BNC2: variants seen among roughly 807,000 people sequenced by gnomAD.
The protein encoded by BNC2 is basonuclin zinc finger protein 2.
In BNC2, 20 loss-of-function variants were observed where a neutral mutation model predicts 76.3. The observed-to-expected ratio is 0.26, with a 90% CI of 0.18 to 0.38. BNC2 has a LOEUF of 0.38. BNC2 is among the 10% of genes least tolerant of loss of function. BNC2 has a pLI of 1.00. For synonymous variants in BNC2, 582 were observed against 514.8 expected, an observed-to-expected ratio of 1.13 and a Z score of -1.77; for missense variants, 1,382 against 1,399.8, an observed-to-expected ratio of 0.99 and a Z score of 0.20.
At chr9:16,579,541 G>A (rs542714596) in intron 4 of BNC2, among the ~76,000 whole-genome samples, 3 of 152,200 alleles carry the variant, frequency 2.0e-5, no homozygotes, top group East Asian at 1.9e-4. Context: ...TCTCAACCTC[G>A]CAAAGTGCTG....
At chr9:16,665,116 C>CCCAG in intron 3 of BNC2, 1 of 454,906 alleles carries the variant, frequency 2.2e-6, no homozygotes, top group South Asian at 1.6e-5. Flanking sequence ...CGCCTGTAAT[C>CCCAG]CCAGCACTTT....
chr9:16,851,505 C>CA (rs1819126709), intron 1 of BNC2, among the ~76,000 whole-genome samples: 2 of 151,770 alleles, frequency 1.3e-5, no homozygotes, highest in African/African-American at 2.4e-5. Flanking sequence ...GACCCTGTCT[C>CA]AAAAAAATAA....
intron 3 of BNC2, among the ~76,000 whole-genome samples, chr9:16,628,151 G>A (rs141122656): frequency 0.012 from 1,771 of 152,248 alleles, 16 homozygotes; most frequent in Middle Eastern, 0.034. Context: ...AGTACAGTAA[G>A]TACTACCAGC....
chr9:16,683,713 G>C (rs1175255806), intron 3 of BNC2, among the ~76,000 whole-genome samples: 2 of 152,304 alleles, frequency 1.3e-5, no homozygotes, highest in East Asian at 3.9e-4. Flanking sequence ...CTTTATTATG[G>C]TGGACATAAT....
intron 3 of BNC2, among the ~76,000 whole-genome samples, chr9:16,714,740 G>A (rs768211319): frequency 6.6e-6 from 1 of 152,172 alleles, no homozygotes; most frequent in Non-Finnish European, 1.5e-5. Flanking sequence ...CATTTTAACA[G>A]GATGTTCTTG....
At chr9:16,419,672 GGGGTACGTGGATGGGGGGT>G in intron 6 of BNC2, 23 bp from the exon 7 acceptor site, 1 of 604,210 alleles carries the variant, frequency 1.7e-6, no homozygotes, top group African/African-American at 2.1e-5. Context: ...GAGGGAAGGG[GGGGTACGTGGATGGGGGGT>G]GGGGAAAGGT....
chr9:16,662,114 A>C (rs752121825), intron 3 of BNC2, among the ~76,000 whole-genome samples: 2 of 152,248 alleles, frequency 1.3e-5, no homozygotes, highest in Non-Finnish European at 2.9e-5. Context: ...TCAAGCTGTT[A>C]AACTCCCAAT....
At chr9:16,579,950 A>C in intron 4 of BNC2, 1 of 396,640 alleles carries the variant, frequency 2.5e-6, no homozygotes, top group Non-Finnish European at 4.4e-6. Flanking sequence ...ATTCAGTGCT[A>C]CCATGAAACC....
chr9:16,412,511 T>A lies in BNC2; in HGVS notation c.*6478A>T, dbSNP rs1267883056. The stretch of plus-strand genomic sequence containing the variant: ...ACCCATTACTCTCAAGATGGAATTG[T>A]TAACACTTAAGTTTTCAAAGAAGCA... On this transcript the variant is annotated 3_prime_UTR_variant, in exon 7 of 7. Transcript: ENST00000380672. 1 of 152,590 alleles carries A rather than the reference T, an allele frequency of 6.6e-6. No homozygotes were observed. The highest frequency in any genetic ancestry group is 1.5e-5 in the Non-Finnish European group (1 of 68,028). The allele number at this position is 152,590 out of a possible 1,614,324, so 9.5% of individuals were successfully genotyped here.
chr9:16,777,303 G>T (rs1184431087), intron 1 of BNC2, among the ~76,000 whole-genome samples: 1 of 151,908 alleles, frequency 6.6e-6, no homozygotes, highest in East Asian at 1.9e-4. Flanking sequence ...AGGAGAACAG[G>T]GACATTCTGC....
At chr9:16,701,522 T>TA (rs1300240758) in intron 3 of BNC2, among the ~76,000 whole-genome samples, 1 of 152,250 alleles carries the variant, frequency 6.6e-6, no homozygotes, top group East Asian at 1.9e-4. Context: ...TTCATTTTTT[T>TA]ATGCTTACTA....
intron 1 of BNC2, among the ~76,000 whole-genome samples, chr9:16,860,570 G>A (rs1387650856): frequency 1.3e-5 from 2 of 152,046 alleles, no homozygotes; most frequent in South Asian, 4.2e-4. Flanking sequence ...CCACCCTGTG[G>A]GAGCTCAAAC....
chr9:16,717,104 A>G (rs1045116814), intron 3 of BNC2, among the ~76,000 whole-genome samples: 34 of 152,202 alleles, frequency 2.2e-4, no homozygotes, highest in Admixed American at 1.9e-3. Context: ...AATTTCCATT[A>G]TGATTGAAAT....
chr9:16,622,372 G>C (rs1820888353), intron 3 of BNC2, among the ~76,000 whole-genome samples: 1 of 152,016 alleles, frequency 6.6e-6, no homozygotes, highest in Non-Finnish European at 1.5e-5. Context: ...TTTTAATGTA[G>C]ACAAACTTAC....
intron 3 of BNC2, chr9:16,726,855 T>TC (rs935314993): frequency 6.6e-6 from 1 of 152,224 alleles, no homozygotes; most frequent in Non-Finnish European, 1.5e-5. Flanking sequence ...CTGGGTTGTG[T>TC]CCCCTTCGCT....
intron 4 of BNC2, among the ~76,000 whole-genome samples, chr9:16,554,555 C>T (rs932518075): frequency 3.9e-5 from 6 of 152,252 alleles, no homozygotes; most frequent in Admixed American, 1.3e-4. Context: ...ATTAATTTAA[C>T]GTTTGGGAAA....
chr9:16,425,631 A>C (rs2119217325), intron 6 of BNC2, among the ~76,000 whole-genome samples: 1 of 152,368 alleles, frequency 6.6e-6, no homozygotes, highest in South Asian at 2.1e-4. Context: ...TGCTAATAAG[A>C]AAGCATGACA....
At chr9:16,789,877 G>C (rs1222822864) in intron 1 of BNC2, among the ~76,000 whole-genome samples, 1 of 152,182 alleles carries the variant, frequency 6.6e-6, no homozygotes, top group African/African-American at 2.4e-5. Context: ...GGTTTGGCCT[G>C]TCCACTTTGT....
chr9:16,853,116 G>A (rs1178804572), intron 1 of BNC2, among the ~76,000 whole-genome samples: 1 of 152,264 alleles, frequency 6.6e-6, no homozygotes, highest in African/African-American at 2.4e-5. Flanking sequence ...AGGCCACTTA[G>A]AAGATACAAT....
Sources: gnomAD v4.1 joint callset for allele counts (sites outside exome capture counted in the v4.1 genomes callset) on GRCh38, gnomAD v4.1.1 for gene constraint, MANE v1.5 for transcripts, NCBI Gene and HGNC (gene_info 2026-07-23, HGNC 2026-07-21) for gene names.